GALNT17: variants seen among roughly 807,000 people sequenced by gnomAD.
GALNT17 encodes the protein UDP-GalNAc:polypeptide N-acetylgalactosaminyltransferase-like 3.
In GALNT17, 29 loss-of-function variants were observed where a neutral mutation model predicts 63.7. The ratio of observed to expected loss-of-function variants is 0.46; its 90% confidence interval spans 0.34 to 0.62. The LOEUF is 0.62. Ranked by LOEUF, GALNT17 falls within the 20% of genes least tolerant of loss-of-function variation. The pLI is 0.01. For synonymous variants in GALNT17, 305 were observed against 318.3 expected (o/e 0.96, Z 0.45); for missense variants, 603 against 799.6 (o/e 0.75, Z 2.97).
intron 6 of GALNT17, among the ~76,000 whole-genome samples, chr7:71,643,009 A>G (rs1373995757): frequency 6.6e-6 from 1 of 152,208 alleles, no homozygotes; most frequent in Non-Finnish European, 1.5e-5. Context: ...GCAAGAAAAT[A>G]CAGGAGCACA....
At chr7:71,511,732 A>G (rs991510361) in intron 5 of GALNT17, among the ~76,000 whole-genome samples, 1 of 152,120 alleles carries the variant, frequency 6.6e-6, no homozygotes, top group African/African-American at 2.4e-5. Flanking sequence ...AGTGCCCCCT[A>G]TAGTTGGGCA....
intron 2 of GALNT17, among the ~76,000 whole-genome samples, chr7:71,386,782 AAG>A (rs1487309425): frequency 4.6e-5 from 7 of 152,254 alleles, no homozygotes; most frequent in Admixed American, 1.3e-4. Flanking sequence ...CTTCCCGAAG[AAG>A]AGCTGGTGTG....
chr7:71,384,684 C>G (rs1792908392), intron 2 of GALNT17, among the ~76,000 whole-genome samples: 1 of 152,160 alleles, frequency 6.6e-6, no homozygotes, highest in Non-Finnish European at 1.5e-5. Context: ...ATTTGCAGAG[C>G]CTGGTGTGAG....
intron 9 of GALNT17, among the ~76,000 whole-genome samples, chr7:71,681,954 T>C (rs1341075192): frequency 1.3e-5 from 2 of 152,056 alleles, no homozygotes; most frequent in East Asian, 3.9e-4. Flanking sequence ...TCAGACAGAG[T>C]CTCGCTCTGT....
intron 6 of GALNT17, among the ~76,000 whole-genome samples, chr7:71,620,657 T>C (rs1790276587): frequency 6.6e-6 from 1 of 152,224 alleles, no homozygotes; most frequent in Non-Finnish European, 1.5e-5. Flanking sequence ...GATCATTTAA[T>C]GTATTCGTGT....
rs944372574 is a variant in GALNT17, at chr7:71,387,234, G to T, written c.423-1001G>T. Among the ~76,000 whole-genome samples the T allele has an allele frequency of 2.3e-4, 7 of 30,528 alleles. No homozygotes were observed. The South Asian group carries it at 5.0e-3, about 22-fold the overall frequency. 20.0% of individuals were successfully genotyped at this position (30,528 alleles called of 152,430 possible). The stretch of plus-strand genomic sequence containing the variant: ...GAGGGTTTTGCCATTACTTTTAATG[G>T]CAAAAAAGTACTTTTAATGGCATTA... On this transcript the variant is annotated intron_variant, in intron 2 of 10. Coordinates refer to ENST00000333538, the MANE Select transcript of GALNT17 (RefSeq NM_022479.3).
At chr7:71,222,334 C>T (rs1443551849) in intron 1 of GALNT17, among the ~76,000 whole-genome samples, 1 of 152,102 alleles carries the variant, frequency 6.6e-6, no homozygotes, top group African/African-American at 2.4e-5. Flanking sequence ...CCTCACACAC[C>T]CAGGCTGGAG....
chr7:71,177,250 C>A (rs891888671), intron 1 of GALNT17, among the ~76,000 whole-genome samples: 1 of 152,122 alleles, frequency 6.6e-6, no homozygotes, highest in African/African-American at 2.4e-5. Context: ...CCTCCCCTTC[C>A]ACCTTGGGGA....
At chr7:71,484,797 A>AT (rs386410414) in intron 5 of GALNT17, among the ~76,000 whole-genome samples, 1,370 of 107,314 alleles carry the variant, frequency 0.013, 86 homozygotes, top group African/African-American at 0.046. Context: ...CAGCATCAGG[A>AT]TTTTTTTTTT....
chr7:71,502,095 A>C (rs182498032), intron 5 of GALNT17, among the ~76,000 whole-genome samples: 22 of 152,292 alleles, frequency 1.4e-4, no homozygotes, highest in Non-Finnish European at 2.2e-4. Context: ...TGGCCTTTCA[A>C]CATACGCAGG....
At chr7:71,174,005 C>T (rs1176453334) in intron 1 of GALNT17, among the ~76,000 whole-genome samples, 2 of 152,102 alleles carry the variant, frequency 1.3e-5, no homozygotes, top group African/African-American at 4.8e-5. Flanking sequence ...TGTGTCTGAA[C>T]CAACTTCTTC....
intron 6 of GALNT17, among the ~76,000 whole-genome samples, 157 bp downstream of exon 6, chr7:71,571,559 C>A (rs1030332304): frequency 6.6e-6 from 1 of 152,120 alleles, no homozygotes; most frequent in Admixed American, 6.6e-5. Flanking sequence ...TGCACTGTCA[C>A]CCCTCCTTAT....
chr7:71,485,958 C>G (rs1184045796), intron 5 of GALNT17, among the ~76,000 whole-genome samples: 2 of 152,082 alleles, frequency 1.3e-5, no homozygotes, highest in Non-Finnish European at 2.9e-5. Context: ...TTTACTGACC[C>G]AGATTTTATG....
At chr7:71,472,544 G>C (rs1054872585) in intron 5 of GALNT17, among the ~76,000 whole-genome samples, 2 of 152,102 alleles carry the variant, frequency 1.3e-5, no homozygotes, top group Non-Finnish European at 2.9e-5. Flanking sequence ...AAATTAGCTG[G>C]GTGTGATGGC....
chr7:71,370,246 T>C (rs1792596838), intron 2 of GALNT17, among the ~76,000 whole-genome samples: 1 of 152,216 alleles, frequency 6.6e-6, no homozygotes, highest in South Asian at 2.1e-4. Context: ...CTCTCATGCT[T>C]CTTCAGAGCC....
intron 6 of GALNT17, among the ~76,000 whole-genome samples, chr7:71,591,015 C>T (rs888560379): frequency 6.6e-6 from 1 of 152,126 alleles, no homozygotes; most frequent in Non-Finnish European, 1.5e-5. Context: ...CCCACCTAGG[C>T]CTCCCAAAGT....
intron 8 of GALNT17, 53 bp downstream of exon 8, chr7:71,670,162 G>A (rs1353438903): frequency 4.3e-6 from 7 of 1,610,258 alleles, no homozygotes; most frequent in Non-Finnish European, 5.9e-6. Flanking sequence ...ATATGCTGTG[G>A]GTTGCTTCGC....
intron 5 of GALNT17, among the ~76,000 whole-genome samples, chr7:71,541,005 G>A (rs555835808): frequency 1.1e-4 from 16 of 152,168 alleles, no homozygotes; most frequent in Non-Finnish European, 1.6e-4. Flanking sequence ...TTGGGAGGTC[G>A]AGGTGGGCAG....
chr7:71,377,112 A>ATAT lies in GALNT17; in HGVS notation c.423-11123_423-11122insTAT, dbSNP rs1563047568. ...AAAAAAAAAAAAAATAAAAATAAAA[A>ATAT]AAATATATATATATATATATATATA... is the stretch of plus-strand genomic sequence containing the variant. On this transcript the variant is annotated intron_variant, in intron 2 of 10. Coordinates refer to ENST00000333538, the MANE Select transcript of GALNT17 (RefSeq NM_022479.3). 5.1e-4 allele frequency among the ~76,000 whole-genome samples: 29 copies of ATAT among 57,218 alleles called. 4 individuals are homozygous for ATAT. In the East Asian group the frequency reaches 9.5e-3, roughly 19 times the overall value. The allele number at this position is 57,218 out of a possible 152,430, so 37.5% of individuals were successfully genotyped here. A position where few individuals can be genotyped will look rare whatever the true frequency, so the allele number is the denominator to read the frequency against.
Sources: allele counts gnomAD v4.1 joint callset (sites outside exome capture counted in the v4.1 genomes callset), GRCh38; gene constraint gnomAD v4.1.1; transcripts MANE v1.5; gene names NCBI Gene and HGNC (gene_info 2026-07-23, HGNC 2026-07-21).